TAMM41: variants seen among roughly 807,000 people sequenced by gnomAD.
The protein encoded by TAMM41 is TAM41 mitochondrial translocator assembly and maintenance homolog, also known as phosphatidate cytidylyltransferase, mitochondrial.
TAMM41 carries 36 observed loss-of-function variants against 44.1 expected under a neutral mutation model. That is an observed-to-expected ratio of 0.82 (90% confidence interval 0.63 to 1.08). The LOEUF (loss-of-function observed/expected upper bound fraction) is 1.08, where lower values mean the gene tolerates loss of function less well. Among genes scored for constraint, TAMM41 ranks in the 50% least tolerant of loss-of-function variants. TAMM41 has a pLI of 0.00. For missense variants in TAMM41, 417 were observed against 404.3 expected (o/e 1.03, Z -0.27); for synonymous variants, 164 against 153.1 (o/e 1.07, Z -0.53).
At chr3:11,835,817 C>G (rs978336970) in intron 3 of TAMM41, among the ~76,000 whole-genome samples, 1 of 152,122 alleles carries the variant, frequency 6.6e-6, no homozygotes, top group Non-Finnish European at 1.5e-5. Context: ...CTGAGGTCAG[C>G]GCCATCAGAC....
chr3:11,830,112 G>A (rs1395111391), intron 3 of TAMM41, among the ~76,000 whole-genome samples: 1 of 152,194 alleles, frequency 6.6e-6, no homozygotes, highest in African/African-American at 2.4e-5. Flanking sequence ...CTTCTTAAAT[G>A]AGGAAATGCA....
intron 7 of TAMM41, among the ~76,000 whole-genome samples, chr3:11,803,333 G>A (rs2077808251): frequency 6.6e-6 from 1 of 152,076 alleles, no homozygotes; most frequent in Non-Finnish European, 1.5e-5. Context: ...GCAGTGAGGT[G>A]AGATCGCGCC....
chr3:11,726,231 G>A, the TAMM41 span, among the ~76,000 whole-genome samples: 2 of 152,072 alleles, frequency 1.3e-5, no homozygotes, highest in Admixed American at 6.6e-5. Context: ...TCTTCACTCC[G>A]ACTTGTTCCA....
chr3:11,844,746 T>C (rs900927463), intron 1 of TAMM41: 1 of 345,090 alleles, frequency 2.9e-6, no homozygotes, highest in Non-Finnish European at 5.7e-6. Context: ...TTTTATCTCT[T>C]ACCTATTCAC....
chr3:11,839,470 C>T (rs1436874219), intron 2 of TAMM41, among the ~76,000 whole-genome samples, 156 bp from the exon 3 acceptor site: 1 of 152,176 alleles, frequency 6.6e-6, no homozygotes, highest in African/African-American at 2.4e-5. Flanking sequence ...CACACATCTC[C>T]ACCAAAACTT....
chr3:11,823,817 C>A (rs1326303384), intron 4 of TAMM41, among the ~76,000 whole-genome samples: 1 of 139,148 alleles, frequency 7.2e-6, no homozygotes, highest in African/African-American at 2.7e-5. Flanking sequence ...AGGTGTGTAC[C>A]ACCATGCCCG....
intron 7 of TAMM41, among the ~76,000 whole-genome samples, chr3:11,796,043 G>A (rs1448041550): frequency 1.3e-5 from 2 of 152,188 alleles, no homozygotes; most frequent in East Asian, 3.8e-4. Flanking sequence ...AACAGTGTTT[G>A]GTTTTGGAAG....
At chr3:11,754,658 C>G in the TAMM41 span, among the ~76,000 whole-genome samples, 1 of 151,344 alleles carries the variant, frequency 6.6e-6, no homozygotes, top group South Asian at 2.1e-4. Context: ...ACATGAGCCA[C>G]TACATCCAAC....
chr3:11,750,609 T>C, the TAMM41 span, among the ~76,000 whole-genome samples: 1 of 152,080 alleles, frequency 6.6e-6, no homozygotes, highest in Admixed American at 6.6e-5. Context: ...TGCGCCCAGC[T>C]TCCTCTGAAA....
At chr3:11,801,034 G>GT (rs1174739029) in intron 7 of TAMM41, among the ~76,000 whole-genome samples, 1 of 149,318 alleles carries the variant, frequency 6.7e-6, no homozygotes, top group Non-Finnish European at 1.5e-5. Context: ...CAAGGCTACA[G>GT]TAAGCCATGA....
Position 11,846,806 on chromosome 3 carries a change from T to C in TAMM41, c.-170A>G. 1 of 833,434 alleles carries C rather than the reference T, an allele frequency of 1.2e-6. No individual in the cohort carries two copies. The highest frequency in any genetic ancestry group is 1.8e-6 in the Non-Finnish European group (1 of 544,286). 51.6% of individuals were successfully genotyped at this position (833,434 alleles called of 1,614,324 possible). On this transcript the variant is annotated 5_prime_UTR_variant, in exon 1 of 8. Transcript: ENST00000455809. ...CAAGCACACGCAAGGATTGGGGCGT[T>C]GGGCCACGAAGAGCAGCGGCGAGAA...
At chr3:11,767,447 T>G in the TAMM41 span, among the ~76,000 whole-genome samples, 1 of 152,160 alleles carries the variant, frequency 6.6e-6, no homozygotes, top group South Asian at 2.1e-4. Flanking sequence ...TGCATGAGTT[T>G]TTGTGTGGAT....
chr3:11,844,342 G>C, intron 1 of TAMM41, 131 bp from the exon 2 acceptor site: 1 of 748,076 alleles, frequency 1.3e-6, no homozygotes, highest in Non-Finnish European at 2.1e-6. Flanking sequence ...CATCAGAAAT[G>C]TGAGCGAGTC....
the TAMM41 span, among the ~76,000 whole-genome samples, chr3:11,767,619 G>A: frequency 2.2e-5 from 1 of 45,234 alleles, no homozygotes; most frequent in Non-Finnish European, 5.1e-5. Flanking sequence ...TTGTCAACAC[G>A]TTGTGCATTT....
At chr3:11,819,123 T>C (rs1406251327) in intron 4 of TAMM41, among the ~76,000 whole-genome samples, 1 of 152,208 alleles carries the variant, frequency 6.6e-6, no homozygotes, top group East Asian at 1.9e-4. Context: ...TCCTTTCACA[T>C]ATTGCTGTTG....
intron 4 of TAMM41, among the ~76,000 whole-genome samples, chr3:11,819,431 A>G (rs1452065558): frequency 6.6e-6 from 1 of 152,242 alleles, no homozygotes; most frequent in Non-Finnish European, 1.5e-5. Context: ...TATACTACAT[A>G]TATAAAATTG....
the TAMM41 span, among the ~76,000 whole-genome samples, chr3:11,771,710 G>A: frequency 1.3e-5 from 2 of 151,664 alleles, no homozygotes; most frequent in African/African-American, 2.4e-5. Flanking sequence ...AGCCTCCCAA[G>A]TAGCTGGGAT....
At chr3:11,775,947 T>C in the TAMM41 span, among the ~76,000 whole-genome samples, 24,968 of 151,998 alleles carry the variant, frequency 0.16, 3,859 homozygotes, top group East Asian at 0.62. Flanking sequence ...GTCTTCCAGC[T>C]GTTTGCAAAT....
the TAMM41 span, among the ~76,000 whole-genome samples, chr3:11,730,426 A>G: frequency 6.6e-6 from 1 of 150,710 alleles, no homozygotes; most frequent in East Asian, 2.0e-4. Context: ...TCAAAAAAAA[A>G]AAAAAAAGAA....
Sources: allele counts gnomAD v4.1 joint callset (sites outside exome capture counted in the v4.1 genomes callset), GRCh38; gene constraint gnomAD v4.1.1; transcripts MANE v1.5; gene names NCBI Gene and HGNC (gene_info 2026-07-23, HGNC 2026-07-21).